Variants in KCNJ5 observed in about 807,000 individuals in gnomAD.
KCNJ5 encodes G protein-activated inward rectifier potassium channel 4.
Under a neutral mutation model 20.2 loss-of-function variants are expected in KCNJ5, and 12 were observed. That is an observed-to-expected ratio of 0.59 (90% CI 0.38 to 0.96). The LOEUF (loss-of-function observed/expected upper bound fraction) is 0.96, where lower values mean the gene tolerates loss of function less well. Ranked by LOEUF, KCNJ5 falls within the 40% of genes least tolerant of loss-of-function variation. KCNJ5 has a pLI of 0.00. For synonymous variants in KCNJ5, 210 were observed against 213.9 expected (o/e 0.98, Z 0.16); for missense variants, 449 against 557.6 (o/e 0.81, Z 1.96).
chr11:128,904,520 G>C (rs1944360204), intron 1 of KCNJ5: 1 of 1,502,736 alleles, frequency 6.7e-7, no homozygotes, highest in African/African-American at 1.4e-5. Context: ...CCAGGGCGGA[G>C]AGGTCGTGCT....
chr11:128,909,141 A>G (rs1944465495), intron 1 of KCNJ5, among the ~76,000 whole-genome samples: 2 of 152,302 alleles, frequency 1.3e-5, no homozygotes, highest in South Asian at 4.1e-4. Flanking sequence ...AATTGCTATA[A>G]TCACCCAGGC....
intron 1 of KCNJ5, chr11:128,905,999 T>C (rs1447345635): frequency 6.6e-6 from 1 of 152,178 alleles, no homozygotes; most frequent in East Asian, 1.9e-4. Context: ...CGGGACTTGC[T>C]GATTCTCCTT....
chr11:128,913,669 G>A (rs1351051597), intron 2 of KCNJ5, among the ~76,000 whole-genome samples: 2 of 151,626 alleles, frequency 1.3e-5, no homozygotes, highest in African/African-American at 4.9e-5. Context: ...AATGATGCAT[G>A]TCTATTTTTC....
In KCNJ5 at chr11:128,911,135, T is replaced by A. The variant is rs1293778595; in HGVS notation, c.-10-129T>A. 1 of 745,146 alleles carries A rather than the reference T, an allele frequency of 1.3e-6. No individual in the cohort carries two copies. The highest frequency in any genetic ancestry group is 1.7e-5 in the African/African-American group (1 of 57,494). The allele number at this position is 745,146 out of a possible 1,614,324, so 46.2% of individuals were successfully genotyped here. On this transcript the variant is annotated intron_variant, in intron 1 of 2. Transcript: ENST00000529694. This position sits in a 1 kb window ranked among gnomAD's most constrained non-coding sequence, Gnocchi z 6.3. ...AGAGTGAGGCCCCTGCCCTTGAGGATTTCACGCCCTGACCCCTGGATAACA... is the reference window on the plus strand; with the variant it reads ...AGAGTGAGGCCCCTGCCCTTGAGGAATTCACGCCCTGACCCCTGGATAACA...
rs1430117635 is a variant in KCNJ5, at chr11:128,916,739, A to G, written c.*8A>G. On this transcript the variant is annotated 3_prime_UTR_variant, in exon 3 of 3. Transcript: ENST00000529694. ...GCCAGGGGCTCGGTGTGAGGGGTGCAGCCTCCCTAAGACCTCCTGTCACTG... is the reference window on the plus strand; with the variant it reads ...GCCAGGGGCTCGGTGTGAGGGGTGCGGCCTCCCTAAGACCTCCTGTCACTG... 2 of 1,581,306 alleles carry G rather than the reference A, an allele frequency of 1.3e-6. No homozygotes were observed. The highest frequency in any genetic ancestry group is 1.8e-5 in the Admixed American group (1 of 54,920).
At chr11:128,904,606 C>G (rs372254490) in intron 1 of KCNJ5, 2 of 801,764 alleles carry the variant, frequency 2.5e-6, no homozygotes, top group Non-Finnish European at 4.5e-6. Flanking sequence ...TCTGGAAACC[C>G]CAGACCTACA....
Position 128,911,385 on chromosome 11 carries a change from G to C in KCNJ5, c.112G>C (p.Asp38His). The C allele has an allele frequency of 6.2e-7, 1 of 1,614,222 alleles. No homozygotes were observed. Among genetic ancestry groups the C allele is most frequent in the African/African-American group, 1.3e-5 (1 of 75,054 alleles). The change falls in exon 2 of 3, where the codon GAC (aspartate) becomes CAC (histidine). Residue 38 changes from aspartate (D) to histidine (H), a missense_variant. This residue lies in a region of KCNJ5 where 203 missense variants were observed against 258.0 expected (regional missense o/e 0.79). Transcript: ENST00000529694. The surrounding 1 kb of genome is among the most constrained non-coding windows in gnomAD (Gnocchi z 6.3). Reference sequence around the variant, plus strand: ...CCGCGATTATGTCCCCATTGCCACAGACCGTACGCGCCTGCTGGCCGAGGG... The same window carrying C: ...CCGCGATTATGTCCCCATTGCCACACACCGTACGCGCCTGCTGGCCGAGGG... ...QARDYVPIAT[D>H]RTRLLAEGKK...
rs1944654125 is a variant in KCNJ5, at chr11:128,920,834, C to T, written c.*4103C>T. 6.6e-6 allele frequency: 1 copy of T among 152,260 alleles called. No individual in the cohort carries two copies. The highest frequency in any genetic ancestry group is 6.5e-5 in the Admixed American group (1 of 15,290). 9.4% of individuals were successfully genotyped at this position (152,260 alleles called of 1,614,324 possible). A position where few individuals can be genotyped will look rare whatever the true frequency, so the allele number is the denominator to read the frequency against. ...GCAACAGAGATAAGGAGAGCCCTGG[C>T]TCTTGGGATGGGGTCGCGCCGATTC... On this transcript the variant is annotated 3_prime_UTR_variant, in exon 3 of 3. Transcript: ENST00000529694.
rs566376081 is a variant in KCNJ5 at position 128,917,947 on chromosome 11, C to T, written c.*1216C>T. 2.9e-3 allele frequency: 442 copies of T among 152,502 alleles called. No homozygotes were observed. The highest frequency in any genetic ancestry group is 3.9e-3 in the Non-Finnish European group (269 of 68,434). The allele number at this position is 152,502 out of a possible 1,614,324, so 9.4% of individuals were successfully genotyped here. A position where few individuals can be genotyped will look rare whatever the true frequency, so the allele number is the denominator to read the frequency against. On this transcript the variant is annotated 3_prime_UTR_variant, in exon 3 of 3. Transcript: ENST00000529694. ...GCAGGTGCCTGTAGTCCCAGCTACT[C>T]GGGAAGCTGAGGCAGAAGAATGGCA...
intron 2 of KCNJ5, 82 bp downstream of exon 2, chr11:128,912,292 G>A (rs1433719356): frequency 2.6e-6 from 3 of 1,142,202 alleles, no homozygotes; most frequent in South Asian, 1.2e-5. Context: ...GAAGATGCAG[G>A]TCTGTGCCTG....
At chr11:128,893,065 A>G (rs1284543793) in intron 1 of KCNJ5, among the ~76,000 whole-genome samples, 1 of 152,232 alleles carries the variant, frequency 6.6e-6, no homozygotes, top group Non-Finnish European at 1.5e-5. Context: ...TGTAAATTGC[A>G]TCATCTGGCT....
At position 128,918,149 on chromosome 11, in the gene KCNJ5, A is replaced by AAGCTCCC. The variant is rs1944616162; in HGVS notation, c.*1422_*1428dup. On this transcript the variant is annotated 3_prime_UTR_variant, in exon 3 of 3. Transcript: ENST00000529694. ...TTCACCATCAAGTTCAGCCTGAGCCAAGCTCCCAGCCCACTGCTGAAAAGC... is the reference window on the plus strand; with the variant it reads ...TTCACCATCAAGTTCAGCCTGAGCCAAGCTCCCAGCTCCCAGCCCACTGCTGAAAAGC... 1 of 152,082 alleles carries AAGCTCCC rather than the reference A, an allele frequency of 6.6e-6. No individual in the cohort carries two copies. The highest frequency in any genetic ancestry group is 1.5e-5 in the Non-Finnish European group (1 of 68,072). 9.4% of individuals were successfully genotyped at this position (152,082 alleles called of 1,614,324 possible).
intron 1 of KCNJ5, among the ~76,000 whole-genome samples, chr11:128,894,698 A>T (rs948713589): frequency 2.0e-5 from 3 of 152,226 alleles, no homozygotes; most frequent in Admixed American, 2.0e-4. Flanking sequence ...TTGTTTTAAA[A>T]CAGAGTGGAC....
chr11:128,918,422 G>A lies in KCNJ5; in HGVS notation c.*1691G>A, dbSNP rs56398738. 29,767 of 152,340 alleles carry A rather than the reference G, an allele frequency of 0.2. 3,343 individuals are homozygous for A. Among genetic ancestry groups the A allele is most frequent in the Middle Eastern group, 0.29 (86 of 294 alleles). 9.4% of individuals were successfully genotyped at this position (152,340 alleles called of 1,614,324 possible). ...GGCCCAAGAGCAAGGGTGGAGGGGG[G>A]CAGATTGTCAGGTCCCGAAATGTGT... On this transcript the variant is annotated 3_prime_UTR_variant, in exon 3 of 3. Transcript: ENST00000529694.
chr11:128,912,174 G>A lies in KCNJ5; in HGVS notation c.901G>A (p.Val301Ile). ...TCAGCTGCATCAGGAAGAGTTTGAA[G>A]TTGTGGTCATTCTAGAAGGGATGGT... is the stretch of plus-strand genomic sequence containing the variant. ...QAQLHQEEFE[V>I]VVILEGMVEA... Residue 301 changes from valine to isoleucine, a missense_variant, in exon 2 of 3, where the codon GTT becomes ATT. Physicochemically the swap from Val to Ile is conservative, Grantham distance 29 (BLOSUM62 3). Around this residue, in one of 5 missense-constraint regions of KCNJ5, gnomAD observed 145 missense variants for 166.2 expected, o/e 0.87. Transcript: ENST00000529694. 2 of 1,607,522 alleles carry A rather than the reference G, an allele frequency of 1.2e-6. No individual in the cohort carries two copies. The highest frequency in any genetic ancestry group is 1.7e-5 in the Admixed American group (1 of 60,028).
At chr11:128,916,363 T>C (rs201977543) in intron 2 of KCNJ5, 46 bp from the exon 3 acceptor site, 19 of 1,375,742 alleles carry the variant, frequency 1.4e-5, no homozygotes, top group African/African-American at 7.1e-5. Context: ...GATGGATAGA[T>C]GGATGGATGA....
intron 2 of KCNJ5, among the ~76,000 whole-genome samples, chr11:128,914,386 G>A (rs972278134): frequency 7.2e-5 from 11 of 152,132 alleles, no homozygotes; most frequent in Admixed American, 2.6e-4. Flanking sequence ...TCAGGGGCCC[G>A]CCATTCACTT....
At chr11:128,915,994 ATGGATGGATGGATGGATGAT>A (rs1944573198) in intron 2 of KCNJ5, among the ~76,000 whole-genome samples, 2 of 150,622 alleles carry the variant, frequency 1.3e-5, no homozygotes, top group African/African-American at 2.4e-5. Context: ...GATTGGATGG[ATGGATGGATGGATGGATGAT>A]TGGATGGATG....
At position 128,917,990 on chromosome 11, in the gene KCNJ5, G is replaced by C. The variant is rs1323141266; in HGVS notation, c.*1259G>C. ...GAATGGCATGAACCTGGGAGGTGGA[G>C]GTTGCAGTGAGCCAAGATCATGCCA... is the stretch of plus-strand genomic sequence containing the variant. On this transcript the variant is annotated 3_prime_UTR_variant, in exon 3 of 3. Transcript: ENST00000529694. The C allele has an allele frequency of 1.3e-5, 2 of 152,132 alleles. No individual in the cohort carries two copies. Among genetic ancestry groups the C allele is most frequent in the Non-Finnish European group, 2.9e-5 (2 of 68,224 alleles). 9.4% of individuals were successfully genotyped at this position (152,132 alleles called of 1,614,324 possible).
Sources: gnomAD v4.1 joint callset for allele counts (sites outside exome capture counted in the v4.1 genomes callset) on GRCh38, gnomAD v4.1.1 for gene constraint, gnomAD v4.1.1 regional missense constraint, Gnocchi (gnomAD v3.1) non-coding constraint, MANE v1.5 for transcripts, NCBI Gene and HGNC (gene_info 2026-07-23, HGNC 2026-07-21) for gene names.